VPS45: variants seen among roughly 807,000 people sequenced by gnomAD.
The protein encoded by VPS45 is vacuolar protein sorting 45 homolog, also known as vacuolar protein sorting-associated protein 45.
Under a neutral mutation model 75.9 loss-of-function variants are expected in VPS45, and 35 were observed. That is an observed-to-expected ratio of 0.46 (90% CI 0.35 to 0.61). The LOEUF (loss-of-function observed/expected upper bound fraction) is 0.61, where lower values mean the gene tolerates loss of function less well. Ranked by LOEUF, VPS45 falls within the 20% of genes least tolerant of loss-of-function variation. The pLI, the probability that VPS45 is intolerant of heterozygous loss-of-function variation, is 0.00. For missense variants in VPS45, 559 were observed against 685.9 expected, an observed-to-expected ratio of 0.81 and a Z score of 2.07; for synonymous variants, 220 against 238.2, an observed-to-expected ratio of 0.92 and a Z score of 0.70.
At chr1:150,124,989 C>T (rs1658430644) in intron 14 of VPS45, among the ~76,000 whole-genome samples, 2 of 151,766 alleles carry the variant, frequency 1.3e-5, no homozygotes, top group Middle Eastern at 3.2e-3. Flanking sequence ...GTCTTTAAAA[C>T]AATCTTAATG....
intron 13 of VPS45, among the ~76,000 whole-genome samples, chr1:150,093,998 C>T (rs1440743826): frequency 6.6e-6 from 1 of 152,172 alleles, no homozygotes; most frequent in Non-Finnish European, 1.5e-5. Flanking sequence ...GATTGCCATC[C>T]AGAGCAGGTT....
chr1:150,142,500 C>A (rs879997280), intron 14 of VPS45, among the ~76,000 whole-genome samples: 1 of 152,162 alleles, frequency 6.6e-6, no homozygotes, highest in African/African-American at 2.4e-5. Flanking sequence ...TTTTCTTTTG[C>A]AAAGGAGTTT....
chr1:150,128,898 C>A (rs1189040475), intron 14 of VPS45, among the ~76,000 whole-genome samples: 1 of 152,118 alleles, frequency 6.6e-6, no homozygotes, highest in African/African-American at 2.4e-5. Flanking sequence ...TGCCACCACG[C>A]CTGGCTAATT....
intron 7 of VPS45, among the ~76,000 whole-genome samples, chr1:150,078,348 A>G (rs1015885542): frequency 7.2e-5 from 11 of 152,232 alleles, no homozygotes; most frequent in East Asian, 3.8e-4. Flanking sequence ...CACCACTTAC[A>G]TAGATAATGC....
rs587769473 is a variant in VPS45, at chr1:150,082,736, A to C, written c.957A>C (p.Pro319=). ...ADMKAFVENY[P]QFKKMSGTVS... The stretch of plus-strand genomic sequence containing the variant: ...GGCAGGCGTTTGTTGAGAATTATCC[A>C]CAGTTCAAGAAAATGTCTGGGACTG... Residue 319 remains proline (P), a synonymous_variant, in exon 10 of 15, where the codon CCA becomes CCC. Coordinates refer to ENST00000644510, the MANE Select transcript of VPS45 (RefSeq NM_007259.5). The C allele has an allele frequency of 8.7e-6, 14 of 1,613,130 alleles. No individual in the cohort carries two copies. In the Admixed American group the frequency reaches 1.0e-4, roughly 12 times the overall value.
At chr1:150,104,428 A>G (rs11205326) in intron 13 of VPS45, among the ~76,000 whole-genome samples, 40,019 of 152,054 alleles carry the variant, frequency 0.26, 7,982 homozygotes, top group African/African-American at 0.56. Context: ...TGGATACTTA[A>G]GTTGGTTCCA....
At position 150,144,952 on chromosome 1, in the gene VPS45, G is replaced by T; in HGVS notation, c.*156G>T. The T allele has an allele frequency of 6.5e-7, 1 of 1,534,054 alleles. No homozygotes were observed. The highest frequency in any genetic ancestry group is 1.2e-5 in the South Asian group (1 of 83,990). Reference sequence around the variant, plus strand: ...GGATACGTGGTTGGCACAGACACAAGACTCCCAGAGTTGTCCTAACAATAA... The same window carrying T: ...GGATACGTGGTTGGCACAGACACAATACTCCCAGAGTTGTCCTAACAATAA... On this transcript the variant is annotated 3_prime_UTR_variant, in exon 15 of 15. Coordinates refer to ENST00000644510, the MANE Select transcript of VPS45 (RefSeq NM_007259.5).
intron 14 of VPS45, among the ~76,000 whole-genome samples, chr1:150,140,856 G>A (rs1199033043): frequency 1.3e-5 from 2 of 152,230 alleles, no homozygotes; most frequent in Non-Finnish European, 2.9e-5. Flanking sequence ...ATGGAAGAAT[G>A]AGTACGTAAC....
chr1:150,079,112 C>CAAAA lies in VPS45; in HGVS notation c.687+1345_687+1348dup, dbSNP rs11301300. 5.2e-3 allele frequency among the ~76,000 whole-genome samples: 698 copies of CAAAA among 135,290 alleles called. 7 individuals are homozygous for CAAAA. Among genetic ancestry groups the CAAAA allele is most frequent in the Middle Eastern group, 0.03 (8 of 266 alleles). 88.8% of individuals were successfully genotyped at this position (135,290 alleles called of 152,430 possible). On this transcript the variant is annotated intron_variant, in intron 7 of 14. Transcript: ENST00000644510. ...GGCAACGAGAGCGAAACTCTTGTCT[C>CAAAA]AAAAAAAAAAAAAAACACTCAAAAG...
At chr1:150,136,771 T>TAA (rs59528326) in intron 14 of VPS45, among the ~76,000 whole-genome samples, 14,702 of 121,572 alleles carry the variant, frequency 0.12, 995 homozygotes, top group South Asian at 0.21. Context: ...GAGCAAGATT[T>TAA]AAAAAAAAAA....
At chr1:150,123,794 A>G (rs782353254) in intron 14 of VPS45, among the ~76,000 whole-genome samples, 6 of 152,184 alleles carry the variant, frequency 3.9e-5, no homozygotes, top group Non-Finnish European at 7.3e-5. Flanking sequence ...AAGTAGAGGG[A>G]AAAAGGGTGG....
intron 2 of VPS45, among the ~76,000 whole-genome samples, chr1:150,069,144 A>G (rs1559897053): frequency 6.6e-6 from 1 of 152,326 alleles, no homozygotes; most frequent in East Asian, 1.9e-4. Flanking sequence ...ATTTATGCTC[A>G]GGAACCTGTG....
chr1:150,109,316 A>T (rs1227824655), intron 13 of VPS45: 1 of 152,078 alleles, frequency 6.6e-6, no homozygotes, highest in Non-Finnish European at 1.5e-5. Flanking sequence ...ATGAGCCATC[A>T]TCCCCACCCT....
At chr1:150,077,373 A>G in intron 6 of VPS45, 142 bp downstream of exon 6, 1 of 1,079,528 alleles carries the variant, frequency 9.3e-7, no homozygotes, top group Non-Finnish European at 1.3e-6. Context: ...AGGTATATGT[A>G]ATTTAAAACA....
intron 7 of VPS45, among the ~76,000 whole-genome samples, chr1:150,081,134 A>G (rs1655677795): frequency 6.6e-6 from 1 of 152,204 alleles, no homozygotes; most frequent in African/African-American, 2.4e-5. Context: ...TATGAAATCT[A>G]AAAGTATTTT....
At chr1:150,094,092 T>TA (rs1656492682) in intron 13 of VPS45, among the ~76,000 whole-genome samples, 1 of 152,210 alleles carries the variant, frequency 6.6e-6, no homozygotes, top group Non-Finnish European at 1.5e-5. Flanking sequence ...GGCCATTTGT[T>TA]ACACAGGAGC....
chr1:150,090,135 T>C (rs1656250057), intron 10 of VPS45, among the ~76,000 whole-genome samples: 1 of 152,244 alleles, frequency 6.6e-6, no homozygotes, highest in African/African-American at 2.4e-5. Flanking sequence ...GATAGTTATG[T>C]CCTCAGAATT....
chr1:150,139,242 G>T (rs975470945), intron 14 of VPS45, among the ~76,000 whole-genome samples: 19 of 152,014 alleles, frequency 1.2e-4, no homozygotes, highest in Admixed American at 1.2e-3. Context: ...GCCTTATATG[G>T]TCTCTCCTTA....
At position 150,106,556 on chromosome 1, in the gene VPS45, C is replaced by A. The variant is rs151332584; in HGVS notation, c.1494-3940C>A. On this transcript the variant is annotated intron_variant, in intron 13 of 14. Coordinates refer to ENST00000644510, the MANE Select transcript of VPS45 (RefSeq NM_007259.5). ...CGCTAGTCAGAAAGTCAGATGCCACCACTCTGGTTTTACCTTCCTACCGGC... is the reference window on the plus strand; with the variant it reads ...CGCTAGTCAGAAAGTCAGATGCCACAACTCTGGTTTTACCTTCCTACCGGC... Among the ~76,000 whole-genome samples, 831 of 152,178 alleles carry A rather than the reference C, an allele frequency of 5.5e-3. 7 individuals are homozygous for A. The highest frequency in any genetic ancestry group is 0.027 in the Middle Eastern group (8 of 294).
Sources: gnomAD v4.1 joint callset for allele counts (sites outside exome capture counted in the v4.1 genomes callset) on GRCh38, gnomAD v4.1.1 for gene constraint, MANE v1.5 for transcripts, NCBI Gene and HGNC (gene_info 2026-07-23, HGNC 2026-07-21) for gene names.